DPH6: variants seen among roughly 807,000 people sequenced by gnomAD.
DPH6 encodes diphthamine biosynthesis 6, also known as diphthine--ammonia ligase.
A neutral mutation model predicts 38.2 loss-of-function variants in DPH6; 33 were observed. The ratio of observed to expected loss-of-function variants is 0.86; its 90% confidence interval spans 0.65 to 1.15. The LOEUF (loss-of-function observed/expected upper bound fraction) is 1.15. DPH6 is among the 50% of genes most tolerant of loss of function. The pLI is 0.00. For synonymous variants in DPH6, 108 were observed against 103.0 expected (o/e 1.05, Z -0.30); for missense variants, 325 against 320.0 (o/e 1.02, Z -0.12).
chr15:35,377,326 T>C (rs1363496201), intron 7 of DPH6, among the ~76,000 whole-genome samples: 1 of 150,514 alleles, frequency 6.6e-6, no homozygotes, highest in Non-Finnish European at 1.5e-5. Context: ...CGTCCACCCA[T>C]CCATCCATCC....
chr15:35,364,052 G>A (rs554257356), intron 3 of DPH6, among the ~76,000 whole-genome samples: 31 of 151,418 alleles, frequency 2.0e-4, no homozygotes, highest in Middle Eastern at 6.8e-3. Flanking sequence ...TTCATTTCTC[G>A]TTGATCTCTT....
At chr15:35,233,501 A>G (rs2051532486) in intron 3 of DPH6, among the ~76,000 whole-genome samples, 3 of 152,226 alleles carry the variant, frequency 2.0e-5, no homozygotes, top group Non-Finnish European at 4.4e-5. Context: ...CTGTTACAAA[A>G]TCAATAAAAG....
chr15:35,333,084 T>C (rs2052339682), intron 3 of DPH6, among the ~76,000 whole-genome samples: 1 of 136,338 alleles, frequency 7.3e-6, no homozygotes, highest in Admixed American at 7.5e-5. Context: ...AAATGGAGAA[T>C]CAGGAAGCTA....
chr15:35,490,531 T>G (rs1340150306), intron 3 of DPH6, among the ~76,000 whole-genome samples: 2 of 152,150 alleles, frequency 1.3e-5, no homozygotes, highest in Admixed American at 1.3e-4. Context: ...TTCATGCTAT[T>G]TTACTTAGAA....
At chr15:35,518,669 T>C (rs955402381) in intron 3 of DPH6, among the ~76,000 whole-genome samples, 2 of 151,780 alleles carry the variant, frequency 1.3e-5, no homozygotes, top group African/African-American at 4.8e-5. Context: ...TACCAAGAAA[T>C]GCTATCCCAA....
At chr15:35,467,668 A>G (rs892498162) in intron 3 of DPH6, among the ~76,000 whole-genome samples, 5 of 152,128 alleles carry the variant, frequency 3.3e-5, no homozygotes, top group African/African-American at 1.2e-4. Context: ...CCTCCTCTAC[A>G]TATCATCCCA....
intron 3 of DPH6, chr15:35,489,200 CAG>C: frequency 2.6e-6 from 1 of 382,290 alleles, no homozygotes; most frequent in Non-Finnish European, 3.6e-6. Flanking sequence ...GACACTTCAA[CAG>C]AGAGATATAA....
intron 3 of DPH6, among the ~76,000 whole-genome samples, chr15:35,359,932 TG>T (rs2052599585): frequency 6.6e-6 from 1 of 152,184 alleles, no homozygotes; most frequent in Admixed American, 6.5e-5. Context: ...CTTCAGTAGT[TG>T]TCTATCTTTG....
chr15:35,253,148 G>A lies in DPH6; in HGVS notation n.201-32566C>T, dbSNP rs955437606. On this transcript the variant is annotated intron_variant and non_coding_transcript_variant, in intron 3 of 3. Coordinates refer to the DPH6 transcript ENST00000560386. ...TGCAAATTGCTCTTCCAGATTCATTGAAGCATAGAACAGAAAAATATTAAT... is the reference window on the plus strand; with the variant it reads ...TGCAAATTGCTCTTCCAGATTCATTAAAGCATAGAACAGAAAAATATTAAT... Among the ~76,000 whole-genome samples, 3 of 152,184 alleles carry A rather than the reference G, an allele frequency of 2.0e-5. No individual in the cohort carries two copies. The South Asian group carries it at 6.2e-4, about 32-fold the overall frequency.
chr15:35,258,838 T>C (rs1405157252), intron 3 of DPH6, among the ~76,000 whole-genome samples: 7 of 152,068 alleles, frequency 4.6e-5, no homozygotes, highest in Non-Finnish European at 1.5e-5. Context: ...GAACTCCATA[T>C]GCATCTTCTC....
At chr15:35,345,127 G>A (rs1201419349) in intron 3 of DPH6, among the ~76,000 whole-genome samples, 1 of 151,802 alleles carries the variant, frequency 6.6e-6, no homozygotes, top group Non-Finnish European at 1.5e-5. Flanking sequence ...GAAGTTAGAA[G>A]ATATGCCCAA....
chr15:35,296,027 C>A (rs1373234643), intron 3 of DPH6, among the ~76,000 whole-genome samples: 1 of 151,912 alleles, frequency 6.6e-6, no homozygotes, highest in African/African-American at 2.4e-5. Context: ...GCAAACTCTG[C>A]CTCCTGGGTT....
At position 35,299,515 on chromosome 15, in the gene DPH6, G is replaced by T. The variant is rs1595467095; in HGVS notation, n.200+74006C>A. 9.0e-6 allele frequency: 6 copies of T among 666,368 alleles called. No homozygotes were observed. In the East Asian group the frequency reaches 1.7e-4, roughly 19 times the overall value. 41.3% of individuals were successfully genotyped at this position (666,368 alleles called of 1,614,324 possible). A position where few individuals can be genotyped will look rare whatever the true frequency, so the allele number is the denominator to read the frequency against. ...GCGGTGGCGGCAGCGCGGAGCCGGG[G>T]AGGCAGGAGCCAACGGCGGCACCAC... is the stretch of plus-strand genomic sequence containing the variant. On this transcript the variant is annotated intron_variant and non_coding_transcript_variant, in intron 3 of 3. Coordinates refer to the DPH6 transcript ENST00000560386.
At chr15:35,161,281 G>A in the DPH6 span, among the ~76,000 whole-genome samples, 1 of 151,802 alleles carries the variant, frequency 6.6e-6, no homozygotes, top group Non-Finnish European at 1.5e-5. Flanking sequence ...AACTCTTTTA[G>A]TCCTTGGCAT....
the DPH6 span, among the ~76,000 whole-genome samples, chr15:35,209,858 T>C: frequency 6.6e-6 from 1 of 152,220 alleles, no homozygotes; most frequent in Admixed American, 6.5e-5. Flanking sequence ...GACTTGATAT[T>C]GTCTGAATAA....
the DPH6 span, among the ~76,000 whole-genome samples, chr15:35,202,107 A>G: frequency 1.3e-5 from 2 of 151,818 alleles, no homozygotes; most frequent in Non-Finnish European, 3.0e-5. Context: ...GCATAATCTT[A>G]AATTACAGAT....
At chr15:35,542,945 A>AACATATATATAT in intron 1 of DPH6, among the ~76,000 whole-genome samples, 1 of 30,232 alleles carries the variant, frequency 3.3e-5, no homozygotes, top group African/African-American at 8.2e-5. Context: ...CCACTTAAGG[A>AACATATATATAT]ATATATATAT....
intron 5 of DPH6, among the ~76,000 whole-genome samples, chr15:35,434,954 T>G (rs78649355): frequency 1.3e-5 from 2 of 151,254 alleles, no homozygotes; most frequent in East Asian, 1.9e-4. Flanking sequence ...TTTTTTTTTT[T>G]GTACAGACAG....
At chr15:35,400,116 A>G (rs1281647808) in intron 6 of DPH6, among the ~76,000 whole-genome samples, 2 of 152,248 alleles carry the variant, frequency 1.3e-5, no homozygotes, top group African/African-American at 2.4e-5. Flanking sequence ...AGGTCTGAAC[A>G]TCTGGTTAAC....
Sources: gnomAD v4.1 joint callset for allele counts (sites outside exome capture counted in the v4.1 genomes callset) on GRCh38, gnomAD v4.1.1 for gene constraint, MANE v1.5 for transcripts, NCBI Gene and HGNC (gene_info 2026-07-23, HGNC 2026-07-21) for gene names.